Variants in RBBP5 observed in about 807,000 individuals in gnomAD.
The protein encoded by RBBP5 is RB binding protein 5, histone lysine methyltransferase complex subunit.
A neutral mutation model predicts 72.2 loss-of-function variants in RBBP5; 5 were observed. The observed-to-expected ratio is 0.07, with a 90% CI of 0.04 to 0.15. The LOEUF is 0.15. Among genes scored for constraint, RBBP5 ranks in the 10% least tolerant of loss-of-function variants. The pLI, the probability that RBBP5 is intolerant of heterozygous loss-of-function variation, is 1.00. For synonymous variants in RBBP5, 209 were observed against 237.2 expected (o/e 0.88, Z 1.09); for missense variants, 322 against 652.2 (o/e 0.49, Z 5.51).
In RBBP5 at chr1:205,114,923, CA is replaced by C; in HGVS notation, c.83del (p.Leu28Ter). ...TGCCCCACCTGTTAAAGGTGCAAGT[CA>C]AAGCCATGCTGATACAATCCAAAGT... ...DGTLDCISMA[L>X]TCTFNRWGTL... On this transcript the variant is annotated frameshift_variant, in exon 3 of 14. Coordinates refer to ENST00000264515, the MANE Select transcript of RBBP5 (RefSeq NM_005057.4). LOFTEE classifies it high-confidence loss of function. 6.3e-7 allele frequency: 1 copy of C among 1,594,702 alleles called. No individual in the cohort carries two copies. The highest frequency in any genetic ancestry group is 8.6e-7 in the Non-Finnish European group (1 of 1,168,142).
rs1253603398 is a variant in RBBP5 at position 205,086,709 on chromosome 1, G to T, written c.*2078C>A. ...ACATAAATAATTATTAGGAGCTACT[G>T]CCAGAGACAATCTGACAGGGCTGAA... On this transcript the variant is annotated 3_prime_UTR_variant, in exon 14 of 14. Transcript: ENST00000264515. 1 of 152,140 alleles carries T rather than the reference G, an allele frequency of 6.6e-6. No individual in the cohort carries two copies. Among genetic ancestry groups the T allele is most frequent in the African/African-American group, 2.4e-5 (1 of 41,430 alleles). The allele number at this position is 152,140 out of a possible 1,614,324, so 9.4% of individuals were successfully genotyped here.
Position 205,096,174 on chromosome 1 carries a change from C to T in RBBP5, c.1396+508G>A, listed in dbSNP as rs946262355. On this transcript the variant is annotated intron_variant, in intron 12 of 13. Transcript: ENST00000264515. Reference sequence around the variant, plus strand: ...TGCCACTGCACTGCAGCCTGGGCAACAGAGCGAGACCCTGTCTCAAAAAAA... The same window carrying T: ...TGCCACTGCACTGCAGCCTGGGCAATAGAGCGAGACCCTGTCTCAAAAAAA... Among the ~76,000 whole-genome samples the T allele has an allele frequency of 4.0e-5, 6 of 151,868 alleles. No homozygotes were observed. The South Asian group carries it at 6.2e-4, about 16-fold the overall frequency.
intron 1 of RBBP5, among the ~76,000 whole-genome samples, chr1:205,117,713 G>A (rs779345220): frequency 6.6e-6 from 1 of 151,984 alleles, no homozygotes; most frequent in Non-Finnish European, 1.5e-5. Context: ...ATGTGTAAGT[G>A]TGTTTATATG....
chr1:205,119,309 T>C (rs778523138), intron 1 of RBBP5, among the ~76,000 whole-genome samples: 2 of 152,118 alleles, frequency 1.3e-5, no homozygotes, highest in African/African-American at 2.4e-5. Flanking sequence ...AGTAGGAGAA[T>C]CGGTTGAACT....
intron 3 of RBBP5, among the ~76,000 whole-genome samples, chr1:205,108,206 G>C (rs1305651853): frequency 6.6e-6 from 1 of 150,984 alleles, no homozygotes; most frequent in East Asian, 1.9e-4. Context: ...TCGCAGCATT[G>C]CACTCCAGCC....
At chr1:205,107,525 C>A (rs1403500152) in intron 3 of RBBP5, among the ~76,000 whole-genome samples, 1 of 152,138 alleles carries the variant, frequency 6.6e-6, no homozygotes. Context: ...AACTGAGACA[C>A]TTGTTGCTAG....
chr1:205,112,911 C>T (rs1242688834), intron 3 of RBBP5, among the ~76,000 whole-genome samples: 1 of 152,124 alleles, frequency 6.6e-6, no homozygotes, highest in Non-Finnish European at 1.5e-5. Context: ...TCGATTGAAG[C>T]CAGGAGTTCA....
intron 3 of RBBP5, among the ~76,000 whole-genome samples, chr1:205,110,537 G>A (rs529902373): frequency 2.6e-5 from 4 of 152,204 alleles, no homozygotes; most frequent in Middle Eastern, 6.8e-3. Flanking sequence ...GAGACACAGA[G>A]AAATATCCAC....
chr1:205,105,086 C>A lies in RBBP5; in HGVS notation c.301G>T (p.Asp101Tyr). 1 of 1,613,960 alleles carries A rather than the reference C, an allele frequency of 6.2e-7. No homozygotes were observed. Among genetic ancestry groups the A allele is most frequent in the East Asian group, 2.2e-5 (1 of 44,880 alleles). ...SQWDVLSGDCDQRFRFPSPIL... is the reference protein window; with the variant it reads ...SQWDVLSGDCYQRFRFPSPIL... ...GGTGAAGGGAATCGAAACCTCTGGT[C>A]ACAGTCGCCTGAAAGAACATCCCAC... The change falls in exon 4 of 14, where the codon GAC becomes TAC. Residue 101 changes from aspartate to tyrosine, a missense_variant. Coordinates refer to ENST00000264515, the MANE Select transcript of RBBP5 (RefSeq NM_005057.4).
intron 6 of RBBP5, 71 bp from the exon 7 acceptor site, chr1:205,100,342 A>G: frequency 3.2e-6 from 5 of 1,541,986 alleles, no homozygotes; most frequent in Non-Finnish European, 4.4e-6. Flanking sequence ...AACGACTAAT[A>G]AACTAGGGAA....
chr1:205,108,785 T>C (rs970131446), intron 3 of RBBP5, among the ~76,000 whole-genome samples: 1 of 152,198 alleles, frequency 6.6e-6, no homozygotes, highest in Non-Finnish European at 1.5e-5. Context: ...TGTGTGATCT[T>C]AGCACGTTAC....
intron 13 of RBBP5, among the ~76,000 whole-genome samples, chr1:205,090,113 C>G (rs752338658): frequency 5.9e-5 from 9 of 152,186 alleles, no homozygotes; most frequent in African/African-American, 9.7e-5. Context: ...CTCGGACTCC[C>G]AAAGTGCTGG....
intron 1 of RBBP5, among the ~76,000 whole-genome samples, chr1:205,120,091 A>C (rs1656677913): frequency 1.3e-5 from 2 of 152,120 alleles, no homozygotes; most frequent in Non-Finnish European, 2.9e-5. Flanking sequence ...TCTCTTACTC[A>C]TCAGCACTAT....
At chr1:205,114,307 G>A (rs1434310238) in intron 3 of RBBP5, among the ~76,000 whole-genome samples, 2 of 152,194 alleles carry the variant, frequency 1.3e-5, no homozygotes, top group East Asian at 3.8e-4. Context: ...GAGAGCAAGA[G>A]TGAAATCAAT....
Position 205,096,760 on chromosome 1 carries a change from A to T in RBBP5, c.1318T>A (p.Ser440Thr). The change falls in exon 12 of 14, where the codon TCC becomes ACC. Residue 440 changes from serine to threonine, a missense_variant. Transcript: ENST00000264515. ...GGTGGCTGGGACCCATCTGCTGAGG[A>T]CTGCCTCTTCTTCTCTGAACTAGCC... ...EGASSEKKRQ[S>T]SADGSQPPKK... 6.2e-7 allele frequency: 1 copy of T among 1,614,168 alleles called. No homozygotes were observed.
chr1:205,099,173 T>A lies in RBBP5; in HGVS notation c.979-67A>T. ...TAATCTGTAATCTACACATTAATGATAAAATGAAAGATGTGAGCATGAAAG... is the reference window on the plus strand; with the variant it reads ...TAATCTGTAATCTACACATTAATGAAAAAATGAAAGATGTGAGCATGAAAG... On this transcript the variant is annotated intron_variant, in intron 9 of 13. Transcript: ENST00000264515. The surrounding 1 kb of genome is among the most constrained non-coding windows in gnomAD (Gnocchi z 4.7). 1 of 954,676 alleles carries A rather than the reference T, an allele frequency of 1.0e-6. No homozygotes were observed. Among genetic ancestry groups the A allele is most frequent in the Non-Finnish European group, 1.5e-6 (1 of 663,900 alleles). 59.1% of individuals were successfully genotyped at this position (954,676 alleles called of 1,614,324 possible). A position where few individuals can be genotyped will look rare whatever the true frequency, so the allele number is the denominator to read the frequency against.
chr1:205,106,489 C>T (rs1025175162), intron 3 of RBBP5, among the ~76,000 whole-genome samples: 3 of 152,016 alleles, frequency 2.0e-5, no homozygotes, highest in East Asian at 1.9e-4. Context: ...CCCAGCTACT[C>T]GGGAGGCTTG....
At chr1:205,119,337 T>C (rs958787632) in intron 1 of RBBP5, among the ~76,000 whole-genome samples, 1 of 152,050 alleles carries the variant, frequency 6.6e-6, no homozygotes, top group Non-Finnish European at 1.5e-5. Flanking sequence ...CGCAAGTTGC[T>C]GTCAGCCGAG....
intron 13 of RBBP5, 36 bp downstream of exon 13, chr1:205,094,837 G>A (rs554879410): frequency 1.1e-5 from 17 of 1,574,296 alleles, no homozygotes; most frequent in South Asian, 8.2e-5. Context: ...GCAAGGCCAC[G>A]AAGCAAGCCA....
Sources: gnomAD v4.1 joint callset for allele counts (sites outside exome capture counted in the v4.1 genomes callset) on GRCh38, gnomAD v4.1.1 for gene constraint, Gnocchi (gnomAD v3.1) non-coding constraint, MANE v1.5 for transcripts, NCBI Gene and HGNC (gene_info 2026-07-23, HGNC 2026-07-21) for gene names.